The following FAT1 variants were observed in gnomAD, a reference collection of about 807,000 sequenced individuals.
FAT1 encodes FAT atypical cadherin 1.
Under a neutral mutation model 329.8 loss-of-function variants are expected in FAT1, and 171 were observed. The ratio of observed to expected loss-of-function variants is 0.52; its 90% CI spans 0.46 to 0.59. The LOEUF (loss-of-function observed/expected upper bound fraction) is 0.59, where lower values mean the gene tolerates loss of function less well. FAT1 is among the 20% of genes least tolerant of loss of function. The pLI, the probability that FAT1 is intolerant of heterozygous loss-of-function variation, is 0.00. For synonymous variants in FAT1, 2,233 were observed against 2,228.6 expected (o/e 1.00, Z -0.06); for missense variants, 5,672 against 5,774.4 (o/e 0.98, Z 0.57).
intron 16 of FAT1, among the ~76,000 whole-genome samples, chr4:186,607,435 G>A (rs1337251544): frequency 7.4e-6 from 1 of 134,780 alleles, no homozygotes; most frequent in East Asian, 2.5e-4. Flanking sequence ...GTATAGATGG[G>A]TGAATGAATG....
At chr4:186,678,892 C>T (rs1030476409) in intron 2 of FAT1, among the ~76,000 whole-genome samples, 2 of 152,050 alleles carry the variant, frequency 1.3e-5, no homozygotes, top group African/African-American at 4.8e-5. Flanking sequence ...GACACATGCA[C>T]ATATATGTTT....
Position 186,628,276 on chromosome 4 carries a change from G to GTTC in FAT1, c.4687_4688insGAA (p.Phe1562_Thr1563insArg). 6.2e-7 allele frequency: 1 copy of GTTC among 1,613,818 alleles called. No homozygotes were observed. The highest frequency in any genetic ancestry group is 1.7e-5 in the Admixed American group (1 of 59,994). ...AACCCGCCCTTTGTAGGAGGAAGCG[G>GTTC]TGAACCACGGGGCGTGGTCATTCGT... On this transcript the variant is annotated inframe_insertion, in exon 9 of 27. Transcript: ENST00000441802.
chr4:186,693,573 G>A (rs1462986213), intron 2 of FAT1, among the ~76,000 whole-genome samples: 1 of 135,508 alleles, frequency 7.4e-6, no homozygotes, highest in Non-Finnish European at 1.6e-5. Context: ...CCTGGGAGCA[G>A]GGCCCTCGAG....
chr4:186,598,300 A>G (rs1168736516), intron 22 of FAT1, among the ~76,000 whole-genome samples, 175 bp from the exon 23 acceptor site: 3 of 152,220 alleles, frequency 2.0e-5, no homozygotes, highest in Admixed American at 1.3e-4. Flanking sequence ...TGGTATAACC[A>G]AAACACCCAG....
intron 15 of FAT1, 114 bp from the exon 16 acceptor site, chr4:186,609,434 T>C: frequency 2.4e-6 from 3 of 1,250,102 alleles, no homozygotes; most frequent in Non-Finnish European, 3.2e-6. Flanking sequence ...GTTTTTTTTT[T>C]GAGATGGAGC....
Position 186,604,563 on chromosome 4 carries a change from T to C in FAT1, c.10362A>G (p.Pro3454=). 1 of 1,606,246 alleles carries C rather than the reference T, an allele frequency of 6.2e-7. No individual in the cohort carries two copies. Among genetic ancestry groups the C allele is most frequent in the African/African-American group, 1.3e-5 (1 of 74,712 alleles). The change falls in exon 18 of 27, where the codon CCA becomes CCG. Residue 3454 remains proline, a synonymous_variant. Coordinates refer to ENST00000441802, the MANE Select transcript of FAT1 (RefSeq NM_005245.4). ...CCAGCTGCAGCACGCTGAAGCCCAC[T>C]GGCTTATTTTCCTGCACAAGATTAG... ...NYSVIIQENK[P]VGFSVLQLVV... is the part of the protein sequence containing the mutation.
intron 21 of FAT1, among the ~76,000 whole-genome samples, chr4:186,600,653 A>T (rs1389910571): frequency 6.6e-6 from 1 of 152,202 alleles, no homozygotes; most frequent in Non-Finnish European, 1.5e-5. Context: ...TAATGTTTTT[A>T]AAAAAGGTGG....
chr4:186,628,908 T>C, intron 7 of FAT1, 145 bp from the exon 8 acceptor site: 1 of 749,494 alleles, frequency 1.3e-6, no homozygotes, highest in Non-Finnish European at 2.1e-6. Flanking sequence ...CCTAGAATCA[T>C]ACATTTCTTA....
At chr4:186,672,204 A>G (rs1383875757) in intron 2 of FAT1, among the ~76,000 whole-genome samples, 1 of 152,220 alleles carries the variant, frequency 6.6e-6, no homozygotes, top group Admixed American at 6.5e-5. Flanking sequence ...GTGTATACAT[A>G]TATTAATAAA....
Position 186,609,903 on chromosome 4 carries a change from G to A in FAT1, c.9966C>T (p.Asn3322=), listed in dbSNP as rs776807390. Residue 3322 remains asparagine, a synonymous_variant, in exon 15 of 27, where the codon AAC becomes AAT. Transcript: ENST00000441802. The part of the protein sequence containing the change: ...TPSLSDVATV[N]VNVTDINDNT... ...TATCGTTGATATCTGTTACATTAAC[G>A]TTCACAGTGGCAACGTCGCTCAGTG... The A allele has an allele frequency of 1.2e-5, 19 of 1,612,758 alleles. No individual in the cohort carries two copies. The highest frequency in any genetic ancestry group is 5.0e-5 in the Admixed American group (3 of 59,966).
Position 186,619,150 on chromosome 4 carries a change from T to C in FAT1, c.7436A>G (p.His2479Arg), listed in dbSNP as rs1328713042. The C allele has an allele frequency of 1.9e-6, 3 of 1,613,870 alleles. No homozygotes were observed. Among genetic ancestry groups the C allele is most frequent in the African/African-American group, 1.3e-5 (1 of 74,932 alleles). Residue 2479 changes from histidine to arginine, a missense_variant, in exon 10 of 27, where the codon CAT becomes CGT. Physicochemically the swap from His to Arg is conservative, Grantham distance 29. Coordinates refer to ENST00000441802, the MANE Select transcript of FAT1 (RefSeq NM_005245.4). ...CAAATTGCCTCCAATTACAGTTACA[T>C]GAACCTGGGTGGAACTTCTAAAAAC... ...DGVFRSSTQVHVTVIGGNLHS... is the reference protein window; with the variant it reads ...DGVFRSSTQVRVTVIGGNLHS...
intron 3 of FAT1, among the ~76,000 whole-genome samples, chr4:186,652,657 C>A (rs1741719883): frequency 6.6e-6 from 1 of 152,084 alleles, no homozygotes; most frequent in African/African-American, 2.4e-5. Context: ...TGAATTCCTG[C>A]CATTGAAATG....
In FAT1 at chr4:186,649,336, T is replaced by C. The variant is rs28571579; in HGVS notation, c.3581-9553A>G. Among the ~76,000 whole-genome samples the C allele has an allele frequency of 3.7e-3, 569 of 152,292 alleles. 3 individuals carry two copies. The highest frequency in any genetic ancestry group is 0.012 in the African/African-American group (487 of 41,564). On this transcript the variant is annotated intron_variant, in intron 3 of 26. Transcript: ENST00000441802. ...CTATATACATTTCCATTGAACAGCA[T>C]ATTTTCCGTCTTCTTGGAAATACCT...
chr4:186,652,278 C>A (rs1342971263), intron 3 of FAT1, among the ~76,000 whole-genome samples: 2 of 152,120 alleles, frequency 1.3e-5, no homozygotes, highest in South Asian at 2.1e-4. Flanking sequence ...ATAGGGTACA[C>A]AACCCATTTT....
rs768948260 is a variant in FAT1 at position 186,707,004 on chromosome 4, C to G, written c.2824G>C (p.Glu942Gln). The change falls in exon 2 of 27, where the codon GAA becomes CAA. Residue 942 changes from glutamate to glutamine, a missense_variant. This residue lies in a region of FAT1 where 3,966 missense variants were observed against 3,915.2 expected (regional missense o/e 1.01). Coordinates refer to ENST00000441802, the MANE Select transcript of FAT1 (RefSeq NM_005245.4). ...YRVKVREDLP[E>Q]GTVIMWLEAH... ...TCTAACCACATGATGACGGTTCCTT[C>G]TGGAAGATCCTCTCGGACTTTCACA... 6 of 1,613,872 alleles carry G rather than the reference C, an allele frequency of 3.7e-6. No individual in the cohort carries two copies. The highest frequency in any genetic ancestry group is 5.1e-6 in the Non-Finnish European group (6 of 1,179,906).
chr4:186,635,551 C>A (rs1268668270), intron 6 of FAT1, among the ~76,000 whole-genome samples: 1 of 152,136 alleles, frequency 6.6e-6, no homozygotes. Context: ...TGGTATGAAT[C>A]AAAATTTGTA....
Position 186,636,092 on chromosome 4 carries a change from G to A in FAT1, c.4116C>T (p.Pro1372=), listed in dbSNP as rs780113539. 32 of 1,613,850 alleles carry A rather than the reference G, an allele frequency of 2.0e-5. No individual in the cohort carries two copies. The highest frequency in any genetic ancestry group is 3.3e-5 in the Admixed American group (2 of 60,008). The change falls in exon 6 of 27, where the codon CCC becomes CCT. Residue 1372 remains proline (P), a synonymous_variant. Transcript: ENST00000441802. ...ATATTACTCCAATCATGTGAGCAAC[G>A]GGGTCACTTTCCATCACAGTAAAGG... is the stretch of plus-strand genomic sequence containing the variant. ...FFTFTVMESD[P]VAHMIGVISV...
At position 186,669,698 on chromosome 4, in the gene FAT1, T is replaced by C. The variant is rs944015689; in HGVS notation, c.3266-6085A>G. On this transcript the variant is annotated intron_variant, in intron 2 of 26. Coordinates refer to ENST00000441802, the MANE Select transcript of FAT1 (RefSeq NM_005245.4). ...GAGAACGAGACTGAAGGGGGAAAAATGTAATTTCTAAAAGAGCTTAACCAA... is the reference window on the plus strand; with the variant it reads ...GAGAACGAGACTGAAGGGGGAAAAACGTAATTTCTAAAAGAGCTTAACCAA... Among the ~76,000 whole-genome samples the C allele has an allele frequency of 6.6e-5, 10 of 152,080 alleles. No individual in the cohort carries two copies. In the East Asian group the frequency reaches 9.6e-4, roughly 15 times the overall value.
chr4:186,724,255 C>T (rs976062348), upstream of FAT1, among the ~76,000 whole-genome samples: 11 of 150,518 alleles, frequency 7.3e-5, no homozygotes, highest in Admixed American at 4.0e-4. The surrounding 1 kb of genome is among the most constrained non-coding windows in gnomAD (Gnocchi z 5.3). Flanking sequence ...TTAGCTTTTC[C>T]ATAGCCTTCT....
Sources: allele counts gnomAD v4.1 joint callset (sites outside exome capture counted in the v4.1 genomes callset), GRCh38; gene constraint gnomAD v4.1.1; regional missense constraint gnomAD v4.1.1; non-coding constraint Gnocchi (gnomAD v3.1); transcripts MANE v1.5; gene names NCBI Gene and HGNC (gene_info 2026-07-23, HGNC 2026-07-21).